The following RPS6KA2 variants were observed in gnomAD, a reference collection of about 807,000 sequenced individuals.
RPS6KA2 encodes ribosomal protein S6 kinase alpha-2.
A neutral mutation model predicts 91.8 loss-of-function variants in RPS6KA2; 42 were observed. The observed-to-expected ratio is 0.46, with a 90% confidence interval of 0.36 to 0.59. The LOEUF is 0.59. Among genes scored for constraint, RPS6KA2 ranks in the 20% least tolerant of loss-of-function variants. RPS6KA2 has a pLI of 0.00. For synonymous variants in RPS6KA2, 414 were observed against 393.6 expected (o/e 1.05, Z -0.61); for missense variants, 798 against 978.5 (o/e 0.82, Z 2.46).
rs185532174 is a variant in RPS6KA2, at chr6:166,690,727, C to T, written c.124-151943G>A. On this transcript the variant is annotated intron_variant, in intron 2 of 21. Transcript: ENST00000503859. The stretch of plus-strand genomic sequence containing the variant: ...GGGTTGCACTCCTCAAAGTCCCTTC[C>T]GCTAGATAAGCCTCAGTTTCCTCAG... 1.0e-3 allele frequency among the ~76,000 whole-genome samples: 159 copies of T among 152,226 alleles called. 2 individuals carry two copies. The highest frequency in any genetic ancestry group is 3.7e-4 in the Non-Finnish European group (25 of 68,022).
At chr6:166,734,146 GC>G (rs1790607732) in intron 2 of RPS6KA2, among the ~76,000 whole-genome samples, 1 of 152,320 alleles carries the variant, frequency 6.6e-6, no homozygotes, top group South Asian at 2.1e-4. Context: ...GTTAGGTATG[GC>G]CCCTGAGGGG....
Position 166,767,525 on chromosome 6 carries a change from C to T in RPS6KA2, c.123+90675G>A, listed in dbSNP as rs1174850077. The stretch of plus-strand genomic sequence containing the variant: ...CTCAGCTGAGGGCTGCTGCTGTCAC[C>T]CAGGAGCCCTTCAGACTGCGCTCCA... On this transcript the variant is annotated intron_variant, in intron 2 of 21. Coordinates refer to the RPS6KA2 transcript ENST00000503859. The surrounding 1 kb of genome is among the most constrained non-coding windows in gnomAD (Gnocchi z 4.6). Among the ~76,000 whole-genome samples, 1 of 152,056 alleles carries T rather than the reference C, an allele frequency of 6.6e-6. No individual in the cohort carries two copies. The highest frequency in any genetic ancestry group is 1.5e-5 in the Non-Finnish European group (1 of 68,024).
intron 1 of RPS6KA2, among the ~76,000 whole-genome samples, chr6:166,616,770 C>T (rs1786431387): frequency 6.6e-6 from 1 of 152,172 alleles, no homozygotes; most frequent in Non-Finnish European, 1.5e-5. Flanking sequence ...GGATTTTTGC[C>T]CTAGAGACCT....
At chr6:166,692,303 C>CCT (rs1789230949) in intron 2 of RPS6KA2, among the ~76,000 whole-genome samples, 3 of 152,304 alleles carry the variant, frequency 2.0e-5, no homozygotes, top group Admixed American at 6.5e-5. Context: ...TATCCTCCTA[C>CCT]CTCTGCTCAA....
intron 2 of RPS6KA2, among the ~76,000 whole-genome samples, chr6:166,684,554 A>T (rs950818750): frequency 6.6e-6 from 1 of 152,124 alleles, no homozygotes; most frequent in Non-Finnish European, 1.5e-5. Context: ...CTAAGCCCCA[A>T]TTTGAGGCTC....
intron 2 of RPS6KA2, among the ~76,000 whole-genome samples, chr6:166,659,658 C>T (rs1788102445): frequency 6.6e-6 from 1 of 152,216 alleles, no homozygotes; most frequent in Non-Finnish European, 1.5e-5. Flanking sequence ...GAACTCAGAG[C>T]TGGGGGAGTC....
At chr6:166,442,293 A>G (rs555195806) in intron 14 of RPS6KA2, among the ~76,000 whole-genome samples, 3 of 152,264 alleles carry the variant, frequency 2.0e-5, no homozygotes, top group Middle Eastern at 3.4e-3. Context: ...TCTGGCTGAA[A>G]CAGAACACTG....
chr6:166,580,338 A>G lies in RPS6KA2; in HGVS notation c.100-41554T>C, dbSNP rs1260048405. 1.6e-4 allele frequency among the ~76,000 whole-genome samples: 24 copies of G among 152,230 alleles called. 1 individual carries two copies. Among genetic ancestry groups the G allele is most frequent in the East Asian group, 1.9e-4 (1 of 5,192 alleles). ...GTGCCAACACACCCTGACTTCAGCC[A>G]TAGTCCCGTGCATATCCAAAGGTCT... On this transcript the variant is annotated intron_variant, in intron 1 of 20. Transcript: ENST00000265678.
intron 10 of RPS6KA2, among the ~76,000 whole-genome samples, chr6:166,480,531 T>G (rs1279777944): frequency 2.9e-5 from 4 of 136,036 alleles, no homozygotes; most frequent in South Asian, 2.3e-4. Flanking sequence ...TTTTTTTTTT[T>G]TGAGAGAGAG....
At chr6:166,474,638 A>G (rs557280575) in intron 10 of RPS6KA2, among the ~76,000 whole-genome samples, 37 of 135,896 alleles carry the variant, frequency 2.7e-4, no homozygotes, top group Admixed American at 2.1e-3. Flanking sequence ...GGAGATAACA[A>G]ATAACAAACA....
At chr6:166,673,336 T>TC (rs5881712) in intron 2 of RPS6KA2, among the ~76,000 whole-genome samples, 26,889 of 151,842 alleles carry the variant, frequency 0.18, 2,763 homozygotes, top group Middle Eastern at 0.28. Flanking sequence ...AGCAGTCTTG[T>TC]CCCCCCAGAG....
intron 2 of RPS6KA2, among the ~76,000 whole-genome samples, chr6:166,854,315 C>T (rs981129649): frequency 6.6e-6 from 1 of 152,184 alleles, no homozygotes; most frequent in Non-Finnish European, 1.5e-5. Context: ...AGAACCGTAA[C>T]GTGAGGAATC....
At chr6:166,759,066 C>CGT (rs3066763) in intron 2 of RPS6KA2, among the ~76,000 whole-genome samples, 20,198 of 151,530 alleles carry the variant, frequency 0.13, 2,906 homozygotes, top group African/African-American at 0.35. Context: ...ATGTTGCATT[C>CGT]GTGTGTGTGT....
intron 19 of RPS6KA2, among the ~76,000 whole-genome samples, chr6:166,414,357 A>G (rs966739617): frequency 6.6e-6 from 1 of 152,220 alleles, no homozygotes; most frequent in Non-Finnish European, 1.5e-5. Flanking sequence ...TATTTACTAC[A>G]AATAATCAGA....
At chr6:166,498,284 G>A (rs1055132096) in intron 8 of RPS6KA2, among the ~76,000 whole-genome samples, 11 of 152,248 alleles carry the variant, frequency 7.2e-5, no homozygotes, top group African/African-American at 2.7e-4. Context: ...TCCCACGTCT[G>A]CGTTTCTGCG....
chr6:166,737,052 A>G lies in RPS6KA2; in HGVS notation c.123+121148T>C, dbSNP rs1173749836. On this transcript the variant is annotated intron_variant, in intron 2 of 21. Transcript: ENST00000503859. This position sits in a 1 kb window ranked among gnomAD's most constrained non-coding sequence, Gnocchi z 4.3. ...GAAGGGAAAGAGAGCGGCAAAGCGC[A>G]TGGAGCCTACGCTTTTTTACAGACG... Among the ~76,000 whole-genome samples, 1 of 152,222 alleles carries G rather than the reference A, an allele frequency of 6.6e-6. No individual in the cohort carries two copies. Among genetic ancestry groups the G allele is most frequent in the Non-Finnish European group, 1.5e-5 (1 of 68,036 alleles).
At chr6:166,842,160 C>T (rs1024021521) in intron 2 of RPS6KA2, among the ~76,000 whole-genome samples, 31 of 152,338 alleles carry the variant, frequency 2.0e-4, no homozygotes, top group African/African-American at 7.2e-4. Flanking sequence ...TGACCCACAA[C>T]GCCAACCGAA....
chr6:166,834,948 G>T (rs945776622), intron 2 of RPS6KA2, among the ~76,000 whole-genome samples: 1 of 151,992 alleles, frequency 6.6e-6, no homozygotes, highest in Non-Finnish European at 1.5e-5. Flanking sequence ...ATTGTTTTAG[G>T]TCTTAAATTT....
At chr6:166,582,570 A>G (rs1004217220) in intron 1 of RPS6KA2, among the ~76,000 whole-genome samples, 1 of 152,268 alleles carries the variant, frequency 6.6e-6, no homozygotes, top group African/African-American at 2.4e-5. Context: ...CAAGTTTTAT[A>G]GTATGCAATG....
Sources: allele counts gnomAD v4.1 joint callset (sites outside exome capture counted in the v4.1 genomes callset), GRCh38; gene constraint gnomAD v4.1.1; non-coding constraint Gnocchi (gnomAD v3.1); transcripts MANE v1.5; gene names NCBI Gene and HGNC (gene_info 2026-07-23, HGNC 2026-07-21).